The following NCEH1 variants were observed in gnomAD, a reference collection of about 807,000 sequenced individuals.
NCEH1 encodes the protein neutral cholesterol ester hydrolase 1.
Under a neutral mutation model 25.4 loss-of-function variants are expected in NCEH1, and 9 were observed. That is an observed-to-expected ratio of 0.35 (90% CI 0.21 to 0.62). The LOEUF (loss-of-function observed/expected upper bound fraction) is 0.62, where lower values mean the gene tolerates loss of function less well. NCEH1 is among the 20% of genes least tolerant of loss of function. The pLI is 0.72. For missense variants in NCEH1, 412 were observed against 501.1 expected (o/e 0.82, Z 1.70); for synonymous variants, 200 against 199.8 (o/e 1.00, Z -0.01).
intron 1 of NCEH1, among the ~76,000 whole-genome samples, chr3:172,663,700 C>T (rs994969308): frequency 3.9e-5 from 6 of 152,134 alleles, no homozygotes; most frequent in Non-Finnish European, 7.4e-5. Context: ...GAATTGATCC[C>T]TTTACCATTA....
chr3:172,696,482 A>G (rs1286079882), intron 1 of NCEH1, among the ~76,000 whole-genome samples: 1 of 152,250 alleles, frequency 6.6e-6, no homozygotes, highest in Non-Finnish European at 1.5e-5. Flanking sequence ...ATATTTAACT[A>G]ATGTTTGATG....
chr3:172,680,217 A>T (rs1712267907), intron 1 of NCEH1, among the ~76,000 whole-genome samples: 1 of 152,084 alleles, frequency 6.6e-6, no homozygotes, highest in South Asian at 2.1e-4. Context: ...AATCTTACCG[A>T]TTTTCTTTGC....
chr3:172,650,101 TCTC>T (rs1717323761), intron 1 of NCEH1, among the ~76,000 whole-genome samples: 1 of 152,236 alleles, frequency 6.6e-6, no homozygotes, highest in African/African-American at 2.4e-5. Context: ...CAGAAACATC[TCTC>T]CATGTTAGCT....
chr3:172,652,746 A>C (rs1460546897), intron 1 of NCEH1, among the ~76,000 whole-genome samples: 1 of 152,154 alleles, frequency 6.6e-6, no homozygotes, highest in Admixed American at 6.5e-5. Context: ...CCCATACTGG[A>C]AAGCAGTGGC....
intron 3 of NCEH1, among the ~76,000 whole-genome samples, chr3:172,644,961 G>A (rs1717048572): frequency 6.6e-6 from 1 of 152,206 alleles, no homozygotes; most frequent in Non-Finnish European, 1.5e-5. Context: ...AGGCTTGGCT[G>A]AGAGGATGGT....
chr3:172,674,619 T>C lies in NCEH1; in HGVS notation c.139-26505A>G, dbSNP rs1711849336. ...AATTTTAATTATACATGGGATTGCA[T>C]TTGTAACTTTGTAAATCCCCAGAGG... On this transcript the variant is annotated intron_variant, in intron 1 of 4. Coordinates refer to ENST00000475381, the MANE Select transcript of NCEH1 (RefSeq NM_020792.6). Among the ~76,000 whole-genome samples, 4 of 152,230 alleles carry C rather than the reference T, an allele frequency of 2.6e-5. No individual in the cohort carries two copies. In the South Asian group the frequency reaches 8.3e-4, roughly 32 times the overall value.
At chr3:172,681,736 CAAAAA>C (rs768887847) in intron 1 of NCEH1, among the ~76,000 whole-genome samples, 2 of 103,900 alleles carry the variant, frequency 1.9e-5, no homozygotes, top group African/African-American at 3.4e-5. Context: ...GTAAAAATAC[CAAAAA>C]AAAAAAAAAA....
rs574270130 is a variant in NCEH1, at chr3:172,676,560, A to T, written c.139-28446T>A. Among the ~76,000 whole-genome samples the T allele has an allele frequency of 9.9e-5, 14 of 141,150 alleles. No individual in the cohort carries two copies. The East Asian group carries it at 2.5e-3, about 25-fold the overall frequency. 92.6% of individuals were successfully genotyped at this position (141,150 alleles called of 152,430 possible). ...ACACCACCTCCTCCAGCATCCCAATATAAGCAACCACTTTTCCTGCCACAC... is the reference window on the plus strand; with the variant it reads ...ACACCACCTCCTCCAGCATCCCAATTTAAGCAACCACTTTTCCTGCCACAC... On this transcript the variant is annotated intron_variant, in intron 1 of 4. Transcript: ENST00000475381.
chr3:172,656,624 G>A (rs1008570928), intron 1 of NCEH1, among the ~76,000 whole-genome samples: 2 of 152,074 alleles, frequency 1.3e-5, no homozygotes, highest in African/African-American at 2.4e-5. Flanking sequence ...AAATTAGCCT[G>A]GCGTGGTGAT....
chr3:172,655,852 C>T (rs1260939625), intron 1 of NCEH1, among the ~76,000 whole-genome samples: 4 of 152,046 alleles, frequency 2.6e-5, no homozygotes, highest in Non-Finnish European at 5.9e-5. Flanking sequence ...TCAGAAACAC[C>T]CTCACTTAAA....
rs767929604 is a variant in NCEH1 at position 172,711,041 on chromosome 3, G to C, written c.-57C>G. On this transcript the variant is annotated 5_prime_UTR_variant, in exon 1 of 5. Transcript: ENST00000475381. ...CAAAGAGGAAAGGGCGATACCACCCGGAGACCTCCGGCAACTTTCTGCCCG... is the reference window on the plus strand; with the variant it reads ...CAAAGAGGAAAGGGCGATACCACCCCGAGACCTCCGGCAACTTTCTGCCCG... 24 of 1,611,332 alleles carry C rather than the reference G, an allele frequency of 1.5e-5. No individual in the cohort carries two copies. The highest frequency in any genetic ancestry group is 1.8e-5 in the Non-Finnish European group (21 of 1,178,212).
At chr3:172,708,543 A>G (rs4894431) in intron 1 of NCEH1, among the ~76,000 whole-genome samples, 106,859 of 151,928 alleles carry the variant, frequency 0.7, 38,576 homozygotes, top group East Asian at 0.85. Flanking sequence ...TTTTAGTAGA[A>G]AGAGGTTTCA....
intron 1 of NCEH1, among the ~76,000 whole-genome samples, chr3:172,666,836 AGAG>A (rs1422664262): frequency 5.9e-5 from 9 of 152,184 alleles, no homozygotes; most frequent in Admixed American, 5.9e-4. Context: ...TTTACAGCCT[AGAG>A]AAGTAATCCT....
chr3:172,633,782 G>C lies in NCEH1; in HGVS notation c.920C>G (p.Thr307Arg). Residue 307 changes from threonine (T) to arginine (R), a missense_variant, in exon 5 of 5, where the codon ACA (threonine) becomes AGA (arginine). Physicochemically the swap from Thr to Arg is moderately conservative, Grantham distance 71. Transcript: ENST00000475381. ...TKNYKPVVQT[T>R]GNARIVQELP... is the part of the protein sequence containing the mutation. ...CTCCTGGACAATCCTGGCATTGCCT[G>C]TGGTCTGTACAACAGGCTTGTAGTT... is the stretch of plus-strand genomic sequence containing the variant. 1 of 1,614,258 alleles carries C rather than the reference G, an allele frequency of 6.2e-7. No individual in the cohort carries two copies. Among genetic ancestry groups the C allele is most frequent in the Non-Finnish European group, 8.5e-7 (1 of 1,180,042 alleles).
intron 1 of NCEH1, among the ~76,000 whole-genome samples, chr3:172,650,641 T>C (rs1340490146): frequency 1.6e-5 from 2 of 124,534 alleles, no homozygotes; most frequent in Non-Finnish European, 1.7e-5. Context: ...AGAGTGAGAC[T>C]CCGTCTCAAA....
intron 1 of NCEH1, among the ~76,000 whole-genome samples, chr3:172,673,498 C>A (rs1441778224): frequency 6.6e-6 from 1 of 152,232 alleles, no homozygotes; most frequent in African/African-American, 2.4e-5. Flanking sequence ...ATACTGACTC[C>A]AAGTATGCTT....
intron 1 of NCEH1, among the ~76,000 whole-genome samples, chr3:172,707,584 TTTATTA>T (rs1369461957): frequency 4.6e-5 from 7 of 152,114 alleles, no homozygotes; most frequent in Middle Eastern, 3.2e-3. Flanking sequence ...GTTTTTTATT[TTTATTA>T]TTATTATTTT....
chr3:172,635,910 T>C lies in NCEH1; in HGVS notation c.609+6A>G. On this transcript the variant is annotated splice_donor_region_variant and intron_variant, in intron 4 of 4. Coordinates refer to ENST00000475381, the MANE Select transcript of NCEH1 (RefSeq NM_020792.6). ...ACCCACCAGCACCTTAGGACAGTGGTGTTACCTGTTGTCCAAGGGCAGCAG... is the reference window on the plus strand; with the variant it reads ...ACCCACCAGCACCTTAGGACAGTGGCGTTACCTGTTGTCCAAGGGCAGCAG... 6.2e-7 allele frequency: 1 copy of C among 1,613,894 alleles called. No homozygotes were observed. Among genetic ancestry groups the C allele is most frequent in the Non-Finnish European group, 8.5e-7 (1 of 1,179,848 alleles).
At chr3:172,673,591 G>A (rs1467518581) in intron 1 of NCEH1, among the ~76,000 whole-genome samples, 1 of 152,198 alleles carries the variant, frequency 6.6e-6, no homozygotes, top group African/African-American at 2.4e-5. Context: ...AATATTACCA[G>A]GAAATTAGCA....
Sources: allele counts gnomAD v4.1 joint callset (sites outside exome capture counted in the v4.1 genomes callset), GRCh38; gene constraint gnomAD v4.1.1; transcripts MANE v1.5; gene names NCBI Gene and HGNC (gene_info 2026-07-23, HGNC 2026-07-21).